Variants in PAG1 observed in about 807,000 individuals in gnomAD.
PAG1 encodes the protein phosphoprotein membrane anchor with glycosphingolipid microdomains 1, also known as phosphoprotein associated with glycosphingolipid-enriched microdomains 1.
Under a neutral mutation model 31.7 loss-of-function variants are expected in PAG1, and 23 were observed. The ratio of observed to expected loss-of-function variants is 0.73; its 90% confidence interval spans 0.52 to 1.03. The LOEUF (loss-of-function observed/expected upper bound fraction) is 1.03. Among genes scored for constraint, PAG1 ranks in the 50% least tolerant of loss-of-function variants. The pLI is 0.00. For synonymous variants in PAG1, 214 were observed against 210.3 expected (o/e 1.02, Z -0.15); for missense variants, 473 against 540.7 (o/e 0.87, Z 1.24).
chr8:80,976,911 G>A lies in PAG1; in HGVS notation c.937-5C>T. ...TGATGAGTACATAGCTGAGATCTAG[G>A]AGACAAAGGGAGAGTTGAATAAACT... On this transcript the variant is annotated splice_region_variant and splice_polypyrimidine_tract_variant and intron_variant, in intron 8 of 8. Transcript: ENST00000220597. 6.3e-7 allele frequency: 1 copy of A among 1,585,386 alleles called. No homozygotes were observed.
At chr8:81,009,951 T>C (rs544569008) in intron 3 of PAG1, among the ~76,000 whole-genome samples, 1 of 152,274 alleles carries the variant, frequency 6.6e-6, no homozygotes, top group South Asian at 2.1e-4. Flanking sequence ...GAGGTCTAAC[T>C]CTCAAAGTTG....
At chr8:81,048,281 T>C (rs1281374896) in intron 2 of PAG1, among the ~76,000 whole-genome samples, 3 of 151,962 alleles carry the variant, frequency 2.0e-5, no homozygotes, top group African/African-American at 4.8e-5. Context: ...TGTCTTATAT[T>C]GGGGGAGAAT....
intron 5 of PAG1, 97 bp from the exon 6 acceptor site, chr8:80,987,563 A>G: frequency 2.5e-6 from 2 of 785,270 alleles, no homozygotes; most frequent in Non-Finnish European, 4.3e-6. Context: ...TCAAAAAATT[A>G]AAACAGCAGA....
intron 6 of PAG1, 89 bp from the exon 7 acceptor site, chr8:80,985,466 C>T: frequency 7.5e-7 from 1 of 1,337,450 alleles, no homozygotes. Context: ...TAGGTTAAAT[C>T]AAGATGCGTG....
At chr8:81,072,822 T>C (rs1809116492) in intron 1 of PAG1, among the ~76,000 whole-genome samples, 1 of 152,228 alleles carries the variant, frequency 6.6e-6, no homozygotes, top group African/African-American at 2.4e-5. Flanking sequence ...TGGGTGCATG[T>C]AAAAAGCACC....
At chr8:81,007,413 A>G (rs1290892803) in intron 3 of PAG1, among the ~76,000 whole-genome samples, 2 of 151,108 alleles carry the variant, frequency 1.3e-5, no homozygotes, top group Non-Finnish European at 2.9e-5. Context: ...CAGGGGTTCG[A>G]GACCAGCCTG....
At chr8:81,103,030 C>T (rs7835961) in intron 1 of PAG1, among the ~76,000 whole-genome samples, 92,721 of 151,978 alleles carry the variant, frequency 0.61, 30,103 homozygotes, top group African/African-American at 0.83. Flanking sequence ...TAAATTCCCA[C>T]TGTATCACAA....
intron 8 of PAG1, 89 bp from the exon 9 acceptor site, chr8:80,976,995 G>A (rs1807199307): frequency 1.6e-6 from 2 of 1,218,902 alleles, no homozygotes; most frequent in East Asian, 4.7e-5. Flanking sequence ...GAGCACTCCT[G>A]GGTTTCTGTG....
intron 3 of PAG1, among the ~76,000 whole-genome samples, chr8:81,012,617 A>T (rs964974320): frequency 6.6e-6 from 1 of 152,244 alleles, no homozygotes; most frequent in African/African-American, 2.4e-5. Flanking sequence ...CATTCAAAGC[A>T]GCTGATTCTT....
intron 1 of PAG1, among the ~76,000 whole-genome samples, chr8:81,101,824 C>T (rs1384463624): frequency 2.0e-5 from 3 of 151,920 alleles, no homozygotes; most frequent in African/African-American, 4.8e-5. Flanking sequence ...GTCAAGTATA[C>T]ACTAACATAA....
chr8:80,976,664 G>T lies in PAG1; in HGVS notation c.1179C>A (p.Leu393=), dbSNP rs144309402. The change falls in exon 9 of 9, where the codon CTC becomes CTA. Residue 393 remains leucine, a synonymous_variant. Coordinates refer to ENST00000220597, the MANE Select transcript of PAG1 (RefSeq NM_018440.4). The part of the protein sequence containing the change: ...PEPDYEAIQT[L]NREEEKATLG... Reference sequence around the variant, plus strand: ...GGGTGGCCTTTTCTTCCTCTCTGTTGAGAGTCTGTATCGCTTCATAATCAG... The same window carrying T: ...GGGTGGCCTTTTCTTCCTCTCTGTTTAGAGTCTGTATCGCTTCATAATCAG... 1.1e-4 allele frequency: 181 copies of T among 1,614,142 alleles called. 1 individual carries two copies. In the African/African-American group the frequency reaches 2.2e-3, roughly 19 times the overall value.
intron 3 of PAG1, among the ~76,000 whole-genome samples, chr8:81,028,570 T>C (rs974749942): frequency 2.6e-5 from 4 of 152,248 alleles, no homozygotes; most frequent in African/African-American, 7.2e-5. Flanking sequence ...ACTTTTTTCA[T>C]GTAACACAGG....
chr8:81,069,951 T>G (rs2130964042), intron 2 of PAG1, among the ~76,000 whole-genome samples, 161 bp downstream of exon 2: 1 of 152,318 alleles, frequency 6.6e-6, no homozygotes, highest in African/African-American at 2.4e-5. Flanking sequence ...TCAGACAAGC[T>G]CATTCCCTGG....
intron 3 of PAG1, among the ~76,000 whole-genome samples, chr8:81,025,047 AGGTCCCAATAG>A (rs1343744778): frequency 6.6e-6 from 1 of 152,222 alleles, no homozygotes; most frequent in African/African-American, 2.4e-5. Flanking sequence ...TCAGGCTCTA[AGGTCCCAATAG>A]CTATCAGTTT....
At chr8:80,998,348 T>C (rs1807723419) in intron 3 of PAG1, among the ~76,000 whole-genome samples, 1 of 152,050 alleles carries the variant, frequency 6.6e-6, no homozygotes, top group African/African-American at 2.4e-5. Flanking sequence ...CAGGATGGTC[T>C]CCACCTCTTG....
intron 3 of PAG1, among the ~76,000 whole-genome samples, chr8:80,997,515 A>G (rs1807704344): frequency 6.6e-6 from 1 of 152,138 alleles, no homozygotes; most frequent in Admixed American, 6.5e-5. Context: ...TCGGCCTCCC[A>G]AAGTGCTGGA....
intron 1 of PAG1, among the ~76,000 whole-genome samples, chr8:81,110,645 T>A (rs1809758929): frequency 6.6e-6 from 1 of 152,232 alleles, no homozygotes; most frequent in Non-Finnish European, 1.5e-5. Context: ...AAAGGGGATG[T>A]GTTCAAAAAG....
At chr8:81,017,598 T>C (rs540862021) in intron 3 of PAG1, among the ~76,000 whole-genome samples, 38 of 152,314 alleles carry the variant, frequency 2.5e-4, no homozygotes, top group African/African-American at 8.2e-4. Flanking sequence ...CTCCAGATAT[T>C]GGTAAGTTTC....
At chr8:81,052,330 C>T (rs1211678467) in intron 2 of PAG1, among the ~76,000 whole-genome samples, 1 of 152,092 alleles carries the variant, frequency 6.6e-6, no homozygotes, top group Non-Finnish European at 1.5e-5. Context: ...GCCAAGGGCA[C>T]CTGCACTCCC....
Sources: allele counts gnomAD v4.1 joint callset (sites outside exome capture counted in the v4.1 genomes callset), GRCh38; gene constraint gnomAD v4.1.1; transcripts MANE v1.5; gene names NCBI Gene and HGNC (gene_info 2026-07-23, HGNC 2026-07-21).